The following LIMD1 variants were observed in gnomAD, a reference collection of about 807,000 sequenced individuals.
LIMD1 encodes LIM domain containing 1.
Under a neutral mutation model 58.4 loss-of-function variants are expected in LIMD1, and 23 were observed. That is an observed-to-expected ratio of 0.39 (90% CI 0.28 to 0.56). The LOEUF (loss-of-function observed/expected upper bound fraction) is 0.56, where lower values mean the gene tolerates loss of function less well. LIMD1 is among the 20% of genes least tolerant of loss of function. The probability of loss-of-function intolerance (pLI) is 0.57; values close to 1 mark genes in which losing one functional copy is unlikely to be tolerated. For synonymous variants in LIMD1, 334 were observed against 345.5 expected, an observed-to-expected ratio of 0.97 and a Z score of 0.37; for missense variants, 838 against 855.5, an observed-to-expected ratio of 0.98 and a Z score of 0.25.
At position 45,680,618 on chromosome 3, in the gene LIMD1, A is replaced by G. The variant is rs768193619; in HGVS notation, c.*3559A>G. ...GCCATTAGCCACTGTACCTGGCACAATTTTTTTTTGTACCCTCCTTTATGC... is the reference window on the plus strand; with the variant it reads ...GCCATTAGCCACTGTACCTGGCACAGTTTTTTTTTGTACCCTCCTTTATGC... On this transcript the variant is annotated 3_prime_UTR_variant, in exon 8 of 8. Coordinates refer to ENST00000273317, the MANE Select transcript of LIMD1 (RefSeq NM_014240.3). 6 of 151,540 alleles carry G rather than the reference A, an allele frequency of 4.0e-5. No individual in the cohort carries two copies. Among genetic ancestry groups the G allele is most frequent in the Admixed American group, 2.0e-4 (3 of 15,194 alleles). 9.4% of individuals were successfully genotyped at this position (151,540 alleles called of 1,614,324 possible). A position where few individuals can be genotyped will look rare whatever the true frequency, so the allele number is the denominator to read the frequency against.
intron 1 of LIMD1, among the ~76,000 whole-genome samples, chr3:45,598,944 A>G (rs1435631191): frequency 6.6e-6 from 1 of 152,152 alleles, no homozygotes; most frequent in East Asian, 1.9e-4. Context: ...TGGTTCTGCC[A>G]TTATGCCCAT....
In LIMD1 at chr3:45,684,834, A is replaced by C. The variant is rs1436900509; in HGVS notation, c.*7775A>C. ...TTGGATGCACCTGTCTTCCAGGTGC[A>C]GCTGCCGGCATTTATCTGTGCAAGC... is the stretch of plus-strand genomic sequence containing the variant. On this transcript the variant is annotated 3_prime_UTR_variant, in exon 8 of 8. Coordinates refer to ENST00000273317, the MANE Select transcript of LIMD1 (RefSeq NM_014240.3). 3 of 152,326 alleles carry C rather than the reference A, an allele frequency of 2.0e-5. No individual in the cohort carries two copies. Among genetic ancestry groups the C allele is most frequent in the African/African-American group, 7.2e-5 (3 of 41,576 alleles). The allele number at this position is 152,326 out of a possible 1,614,324, so 9.4% of individuals were successfully genotyped here. A position where few individuals can be genotyped will look rare whatever the true frequency, so the allele number is the denominator to read the frequency against.
chr3:45,650,162 T>G (rs1204439849), intron 2 of LIMD1, among the ~76,000 whole-genome samples: 17 of 152,164 alleles, frequency 1.1e-4, no homozygotes, highest in Admixed American at 1.1e-3. Flanking sequence ...AGCTCACTTA[T>G]GCCCATTTCG....
intron 2 of LIMD1, among the ~76,000 whole-genome samples, chr3:45,663,630 G>A (rs1210850694): frequency 6.6e-6 from 1 of 152,022 alleles, no homozygotes. Context: ...TCTATTCTAT[G>A]CACTTTCTCT....
At chr3:45,612,151 C>T (rs1180626474) in intron 1 of LIMD1, among the ~76,000 whole-genome samples, 1 of 152,030 alleles carries the variant, frequency 6.6e-6, no homozygotes, top group Non-Finnish European at 1.5e-5. Flanking sequence ...GTGGCACCAT[C>T]TTAGCTCACT....
At chr3:45,671,421 G>C (rs1455037474) in intron 4 of LIMD1, among the ~76,000 whole-genome samples, 2 of 152,198 alleles carry the variant, frequency 1.3e-5, no homozygotes, top group African/African-American at 4.8e-5. Context: ...AAGGCTTTCT[G>C]TGTGGGCTCC....
At chr3:45,616,757 C>CTT (rs1335272194) in intron 1 of LIMD1, among the ~76,000 whole-genome samples, 3 of 142,050 alleles carry the variant, frequency 2.1e-5, no homozygotes, top group African/African-American at 5.2e-5. Context: ...ATGAGAAAGT[C>CTT]TTTTTTTTTT....
chr3:45,661,809 C>T (rs1051978865), intron 2 of LIMD1, among the ~76,000 whole-genome samples: 1 of 152,166 alleles, frequency 6.6e-6, no homozygotes, highest in Non-Finnish European at 1.5e-5. Context: ...CCCAGGCTGG[C>T]GTGCACAGAC....
intron 1 of LIMD1, 63 bp downstream of exon 1, chr3:45,596,350 A>G: frequency 7.6e-7 from 1 of 1,309,128 alleles, no homozygotes; most frequent in South Asian, 1.4e-5. Context: ...ATTGGGGAAC[A>G]TGCCCCCTAC....
intron 1 of LIMD1, among the ~76,000 whole-genome samples, chr3:45,607,492 G>T (rs1701479356): frequency 6.6e-6 from 1 of 152,058 alleles, no homozygotes; most frequent in African/African-American, 2.4e-5. Context: ...ACTGAAAGCT[G>T]GTGGGGAGCA....
chr3:45,635,732 CAAAAAAAAA>C (rs71095045), intron 1 of LIMD1, among the ~76,000 whole-genome samples: 44 of 73,798 alleles, frequency 6.0e-4, no homozygotes, highest in African/African-American at 2.1e-3. Context: ...ATCCCCGTCT[CAAAAAAAAA>C]AAAAAAAAAA....
intron 1 of LIMD1, among the ~76,000 whole-genome samples, chr3:45,616,672 G>A (rs1575347128): frequency 6.6e-6 from 1 of 152,136 alleles, no homozygotes; most frequent in Non-Finnish European, 1.5e-5. Context: ...TGAAAGATGT[G>A]TTGGTTCTTC....
intron 1 of LIMD1, among the ~76,000 whole-genome samples, chr3:45,616,696 A>G (rs1172459118): frequency 6.6e-6 from 1 of 152,144 alleles, no homozygotes; most frequent in African/African-American, 2.4e-5. Context: ...ATTCACAAGC[A>G]AATCATGCCT....
In LIMD1 at chr3:45,648,615, G is replaced by C. The variant is rs543251576; in HGVS notation, c.1510+12364G>C. Among the ~76,000 whole-genome samples, 3 of 152,236 alleles carry C rather than the reference G, an allele frequency of 2.0e-5. No homozygotes were observed. In the South Asian group the frequency reaches 6.2e-4, roughly 32 times the overall value. On this transcript the variant is annotated intron_variant, in intron 2 of 7. Transcript: ENST00000273317. ...GTAAATATTAGGAGTGAAATTGCTG[G>C]GTCATATGGTAACTGTGTTTAACCT...
At chr3:45,620,165 T>C (rs1367187240) in intron 1 of LIMD1, among the ~76,000 whole-genome samples, 1 of 152,136 alleles carries the variant, frequency 6.6e-6, no homozygotes, top group Non-Finnish European at 1.5e-5. Flanking sequence ...ACATTTGTTT[T>C]AGTAGTTTAT....
At chr3:45,656,280 A>T (rs1219540299) in intron 2 of LIMD1, among the ~76,000 whole-genome samples, 1 of 152,174 alleles carries the variant, frequency 6.6e-6, no homozygotes, top group Non-Finnish European at 1.5e-5. Flanking sequence ...TGACTAAGAC[A>T]TTCCCCTTAG....
chr3:45,596,004 A>G lies in LIMD1; in HGVS notation c.1125A>G (p.Thr375=), dbSNP rs752359344. 1 of 1,614,168 alleles carries G rather than the reference A, an allele frequency of 6.2e-7. No homozygotes were observed. Residue 375 remains threonine (T), a synonymous_variant, in exon 1 of 8, where the codon ACA becomes ACG. Transcript: ENST00000273317. The part of the protein sequence containing the change: ...VPGLGPKPGC[T]DLGTGPKLSP... ...GGCTGGGGCCGAAGCCTGGCTGCAC[A>G]GACCTTGGCACTGGTCCCAAGCTCA...
At chr3:45,600,162 GTTT>G (rs1701397531) in intron 1 of LIMD1, among the ~76,000 whole-genome samples, 1 of 152,188 alleles carries the variant, frequency 6.6e-6, no homozygotes, top group Non-Finnish European at 1.5e-5. Context: ...ACAGAAGAAT[GTTT>G]AATGGTGCAG....
intron 1 of LIMD1, among the ~76,000 whole-genome samples, chr3:45,627,922 C>T (rs953733448): frequency 4.7e-5 from 7 of 148,738 alleles, no homozygotes; most frequent in Non-Finnish European, 8.9e-5. Flanking sequence ...GCAGGAGAAT[C>T]GCTTGAACCT....
Sources: gnomAD v4.1 joint callset for allele counts (sites outside exome capture counted in the v4.1 genomes callset) on GRCh38, gnomAD v4.1.1 for gene constraint, MANE v1.5 for transcripts, NCBI Gene and HGNC (gene_info 2026-07-23, HGNC 2026-07-21) for gene names.